Variants in YAP1 observed in about 807,000 individuals in gnomAD.
YAP1 encodes the protein transcriptional coactivator YAP1.
YAP1 carries 5 observed loss-of-function variants against 56.9 expected under a neutral mutation model. The ratio of observed to expected loss-of-function variants is 0.09; its 90% confidence interval spans 0.05 to 0.18. The LOEUF (loss-of-function observed/expected upper bound fraction) is 0.18. Among genes scored for constraint, YAP1 ranks in the 10% least tolerant of loss-of-function variants. The pLI is 1.00. For synonymous variants in YAP1, 265 were observed against 248.1 expected, an observed-to-expected ratio of 1.07 and a Z score of -0.64; for missense variants, 539 against 651.8, an observed-to-expected ratio of 0.83 and a Z score of 1.88.
intron 2 of YAP1, among the ~76,000 whole-genome samples, chr11:102,125,559 A>G (rs1943985149): frequency 6.8e-6 from 1 of 147,336 alleles, no homozygotes; most frequent in Admixed American, 6.8e-5. Context: ...TTATATTTTT[A>G]GTAGAGATGG....
intron 4 of YAP1, among the ~76,000 whole-genome samples, chr11:102,192,706 G>A (rs17689778): frequency 0.045 from 6,789 of 152,256 alleles, 188 homozygotes; most frequent in Non-Finnish European, 0.059. Context: ...AACTGCTTTG[G>A]ACTCTTGCTT....
At chr11:102,115,342 A>G (rs1015627370) in intron 2 of YAP1, among the ~76,000 whole-genome samples, 9 of 152,222 alleles carry the variant, frequency 5.9e-5, no homozygotes, top group Non-Finnish European at 7.3e-5. Context: ...TGATTCGGAT[A>G]GGTCTTGACA....
chr11:102,115,476 T>C (rs1295884222), intron 2 of YAP1, among the ~76,000 whole-genome samples: 1 of 152,200 alleles, frequency 6.6e-6, no homozygotes, highest in Non-Finnish European at 1.5e-5. Context: ...GTTGCTACTT[T>C]GTAATGTAAG....
chr11:102,195,475 T>G (rs1948525252), intron 4 of YAP1, among the ~76,000 whole-genome samples: 1 of 152,184 alleles, frequency 6.6e-6, no homozygotes, highest in African/African-American at 2.4e-5. Context: ...GGAAAAGGTT[T>G]GGCTGTGTCC....
chr11:102,147,296 C>T (rs1157295510), intron 2 of YAP1, among the ~76,000 whole-genome samples: 1 of 152,116 alleles, frequency 6.6e-6, no homozygotes, highest in Non-Finnish European at 1.5e-5. Context: ...TGTAGTATGC[C>T]AGAACACTCC....
intron 4 of YAP1, among the ~76,000 whole-genome samples, chr11:102,199,341 T>C (rs1948728122): frequency 6.6e-6 from 1 of 152,244 alleles, no homozygotes; most frequent in Non-Finnish European, 1.5e-5. Flanking sequence ...TATGTAACTA[T>C]GTTTGTTGGT....
chr11:102,169,823 T>C (rs1946804122), intron 3 of YAP1, among the ~76,000 whole-genome samples: 1 of 152,166 alleles, frequency 6.6e-6, no homozygotes. Flanking sequence ...TATTTGATGA[T>C]TAAGTTCCTG....
intron 4 of YAP1, chr11:102,186,813 A>ATGTGTGTGTGTGT (rs1420505732): frequency 2.1e-5 from 1 of 47,080 alleles, no homozygotes. Context: ...CTTTTTAAAA[A>ATGTGTGTGTGTGT]ATGTGTGTGT....
At chr11:102,150,513 A>G (rs1237969836) in intron 2 of YAP1, among the ~76,000 whole-genome samples, 6 of 152,172 alleles carry the variant, frequency 3.9e-5, no homozygotes, top group Admixed American at 2.6e-4. Context: ...AGCCTGCATT[A>G]TATAATGTAT....
intron 4 of YAP1, among the ~76,000 whole-genome samples, chr11:102,192,053 A>G (rs1044835505): frequency 6.6e-6 from 1 of 152,140 alleles, no homozygotes; most frequent in African/African-American, 2.4e-5. Context: ...TATTTACCCA[A>G]TTCTTGCCTC....
At chr11:102,124,770 C>T (rs1256337636) in intron 2 of YAP1, among the ~76,000 whole-genome samples, 1 of 152,154 alleles carries the variant, frequency 6.6e-6, no homozygotes, top group African/African-American at 2.4e-5. Flanking sequence ...CGGTCTCACT[C>T]TGCTGCCCAG....
chr11:102,220,532 G>C (rs1283557926), intron 6 of YAP1, among the ~76,000 whole-genome samples: 2 of 152,084 alleles, frequency 1.3e-5, no homozygotes, highest in African/African-American at 2.4e-5. Flanking sequence ...ATGTACATCA[G>C]GAATCTAAAA....
chr11:102,156,647 A>G (rs145018540), intron 2 of YAP1, among the ~76,000 whole-genome samples: 1 of 152,212 alleles, frequency 6.6e-6, no homozygotes, highest in East Asian at 1.9e-4. Context: ...ATATCATGAA[A>G]TCAGGACAAA....
At chr11:102,122,012 G>A (rs1943686326) in intron 2 of YAP1, among the ~76,000 whole-genome samples, 1 of 152,006 alleles carries the variant, frequency 6.6e-6, no homozygotes, top group African/African-American at 2.4e-5. Context: ...TGCCCAGGCT[G>A]GTCTCAAACT....
At chr11:102,175,985 G>A (rs1477186367) in intron 3 of YAP1, among the ~76,000 whole-genome samples, 2 of 152,124 alleles carry the variant, frequency 1.3e-5, no homozygotes, top group Non-Finnish European at 2.9e-5. Context: ...ATTAGGGATT[G>A]TTTAAGGCAT....
At chr11:102,211,109 A>G (rs1302713961) in intron 6 of YAP1, among the ~76,000 whole-genome samples, 1 of 152,214 alleles carries the variant, frequency 6.6e-6, no homozygotes, top group Non-Finnish European at 1.5e-5. Flanking sequence ...AGAAACTAAT[A>G]TAGGAGCAGA....
At chr11:102,122,755 C>T (rs910853675) in intron 2 of YAP1, among the ~76,000 whole-genome samples, 1 of 151,744 alleles carries the variant, frequency 6.6e-6, no homozygotes, top group Non-Finnish European at 1.5e-5. Context: ...ATTAGGCAGG[C>T]GTGGTGGCAG....
intron 2 of YAP1, among the ~76,000 whole-genome samples, chr11:102,127,454 C>T (rs1292778378): frequency 1.3e-5 from 2 of 152,192 alleles, no homozygotes; most frequent in Non-Finnish European, 2.9e-5. Context: ...GCCTTGGCAG[C>T]TTCCACTTGG....
intron 8 of YAP1, 54 bp from the exon 9 acceptor site, chr11:102,229,648 C>T: frequency 6.5e-7 from 1 of 1,534,160 alleles, no homozygotes; most frequent in Middle Eastern, 1.7e-4. Context: ...TATGATACAG[C>T]CCTGATGTTA....
Sources: gnomAD v4.1 joint callset for allele counts (sites outside exome capture counted in the v4.1 genomes callset) on GRCh38, gnomAD v4.1.1 for gene constraint, MANE v1.5 for transcripts, NCBI Gene and HGNC (gene_info 2026-07-23, HGNC 2026-07-21) for gene names.